Variants in DLG5 observed in about 807,000 individuals in gnomAD.
DLG5 encodes the protein discs large MAGUK scaffold protein 5, also known as disks large homolog 5.
A neutral mutation model predicts 189.8 loss-of-function variants in DLG5; 48 were observed. That is an observed-to-expected ratio of 0.25 (90% CI 0.20 to 0.32). DLG5 has a LOEUF of 0.32. DLG5 is among the 10% of genes least tolerant of loss of function. The probability of loss-of-function intolerance (pLI) is 1.00; values close to 1 mark genes in which losing one functional copy is unlikely to be tolerated. For synonymous variants in DLG5, 1,016 were observed against 1,054.1 expected (o/e 0.96, Z 0.70); for missense variants, 2,160 against 2,544.7 (o/e 0.85, Z 3.25).
At chr10:77,797,966 C>A (rs367863093) in intron 27 of DLG5, among the ~76,000 whole-genome samples, 1 of 152,124 alleles carries the variant, frequency 6.6e-6, no homozygotes, top group Non-Finnish European at 1.5e-5. Context: ...GCAGGTGGAT[C>A]GCTTGAGGTC....
At chr10:77,898,232 C>T (rs764872853) in intron 1 of DLG5, among the ~76,000 whole-genome samples, 29 of 152,238 alleles carry the variant, frequency 1.9e-4, no homozygotes, top group Non-Finnish European at 3.5e-4. Flanking sequence ...TCCCCAAAGA[C>T]CTGGATTCTG....
At position 77,796,100 on chromosome 10, in the gene DLG5, A is replaced by G. The variant is rs768536700; in HGVS notation, c.5397T>C (p.Asp1799=). The G allele has an allele frequency of 3.1e-6, 5 of 1,614,196 alleles. No homozygotes were observed. The Admixed American group carries it at 5.0e-5, about 16-fold the overall frequency. The change falls in exon 29 of 32, where the codon GAT becomes GAC. Residue 1799 remains aspartate, a synonymous_variant. Coordinates refer to ENST00000372391, the MANE Select transcript of DLG5 (RefSeq NM_004747.4). The surrounding 1 kb of genome is among the most constrained non-coding windows in gnomAD (Gnocchi z 5.2). ...CCTTTATTGACGCCACAGTGGTCACATCGAAATGGCCGCTTCTCCGCTTAT... is the reference window on the plus strand; with the variant it reads ...CCTTTATTGACGCCACAGTGGTCACGTCGAAATGGCCGCTTCTCCGCTTAT... ...VDYKRRSGHF[D]VTTVASIKEI...
Position 77,837,988 on chromosome 10 carries a change from T to C in DLG5, c.1438-2066A>G, listed in dbSNP as rs546970713. The stretch of plus-strand genomic sequence containing the variant: ...GGGAGGATGGGGCCCGAGTGTGGAG[T>C]GGTGCCCCTGAGCAGATGGCTCTCG... On this transcript the variant is annotated intron_variant, in intron 7 of 31. Transcript: ENST00000372391. Among the ~76,000 whole-genome samples the C allele has an allele frequency of 3.3e-5, 5 of 151,866 alleles. No homozygotes were observed. The South Asian group carries it at 1.0e-3, about 32-fold the overall frequency.
intron 20 of DLG5, among the ~76,000 whole-genome samples, chr10:77,814,984 A>T (rs1234510952): frequency 6.6e-6 from 1 of 152,118 alleles, no homozygotes; most frequent in Non-Finnish European, 1.5e-5. Flanking sequence ...ACACATGTCA[A>T]ATTTCATCTC....
intron 5 of DLG5, among the ~76,000 whole-genome samples, chr10:77,846,425 G>A (rs920689288): frequency 2.7e-5 from 4 of 150,684 alleles, no homozygotes; most frequent in Admixed American, 6.6e-5. Context: ...CAGGCCGGGC[G>A]CAGTGGCTCA....
intron 1 of DLG5, among the ~76,000 whole-genome samples, chr10:77,925,823 G>C (rs1471151208): frequency 6.6e-6 from 1 of 152,178 alleles, no homozygotes; most frequent in Non-Finnish European, 1.5e-5. Flanking sequence ...CCTGGCCCAA[G>C]TCCCATTCTT....
chr10:77,805,308 G>T (rs550626270), intron 27 of DLG5, among the ~76,000 whole-genome samples: 2 of 152,250 alleles, frequency 1.3e-5, no homozygotes, highest in Admixed American at 6.5e-5. Context: ...CATGCAAGTG[G>T]ACAATGAGAT....
At chr10:77,904,734 A>T (rs1169269848) in intron 1 of DLG5, among the ~76,000 whole-genome samples, 1 of 151,456 alleles carries the variant, frequency 6.6e-6, no homozygotes, top group Non-Finnish European at 1.5e-5. Flanking sequence ...GCCATGTGGA[A>T]CTGTAAGTCA....
intron 1 of DLG5, among the ~76,000 whole-genome samples, chr10:77,917,582 A>G (rs1015658592): frequency 9.9e-5 from 15 of 152,094 alleles, no homozygotes; most frequent in African/African-American, 3.4e-4. Context: ...AAGAAAGAAA[A>G]AAAGAGACAG....
chr10:77,824,592 AAGTCAGGAG>A, intron 13 of DLG5, 116 bp from the exon 14 acceptor site: 4 of 777,318 alleles, frequency 5.1e-6, no homozygotes, highest in Non-Finnish European at 8.4e-6. Context: ...CAAGGTGCCA[AAGTCAGGAG>A]TTGGCAAAGG....
chr10:77,808,731 C>A (rs1461894928), intron 24 of DLG5, among the ~76,000 whole-genome samples: 1 of 152,210 alleles, frequency 6.6e-6, no homozygotes, highest in Non-Finnish European at 1.5e-5. Context: ...CAGGTTCCCT[C>A]AATGGCCTGC....
At chr10:77,872,920 A>C (rs1238348992) in intron 1 of DLG5, among the ~76,000 whole-genome samples, 1 of 151,818 alleles carries the variant, frequency 6.6e-6, no homozygotes, top group Non-Finnish European at 1.5e-5. Flanking sequence ...GAAACCTAGG[A>C]TGGGCTGCTG....
chr10:77,818,587 C>T (rs1589149697), intron 17 of DLG5, among the ~76,000 whole-genome samples: 1 of 152,198 alleles, frequency 6.6e-6, no homozygotes, highest in Admixed American at 6.5e-5. Context: ...GATGGCCCTT[C>T]TCCCTGGAGG....
chr10:77,792,905 T>C (rs1003322754), intron 31 of DLG5: 4 of 279,510 alleles, frequency 1.4e-5, no homozygotes, highest in Non-Finnish European at 2.7e-5. Context: ...AGATAGCTCA[T>C]GGCCAAGAGG....
At chr10:77,881,263 C>T (rs12572800) in intron 1 of DLG5, among the ~76,000 whole-genome samples, 1 of 152,078 alleles carries the variant, frequency 6.6e-6, no homozygotes, top group South Asian at 2.1e-4. Flanking sequence ...CCTTCTCCCA[C>T]TGGATAGAAA....
At chr10:77,807,342 G>A (rs1224330772) in intron 25 of DLG5, among the ~76,000 whole-genome samples, 3 of 152,138 alleles carry the variant, frequency 2.0e-5, no homozygotes, top group Non-Finnish European at 4.4e-5. Context: ...TGCTTTCTGT[G>A]ATCTTGGATC....
intron 13 of DLG5, among the ~76,000 whole-genome samples, chr10:77,825,235 CA>C (rs1164281163): frequency 2.0e-5 from 3 of 152,068 alleles, no homozygotes; most frequent in Admixed American, 6.6e-5. Context: ...AATCAGCTGC[CA>C]GGGGGCAGGG....
chr10:77,939,696 C>T, the DLG5 span, among the ~76,000 whole-genome samples: 2 of 152,184 alleles, frequency 1.3e-5, no homozygotes, highest in African/African-American at 4.8e-5. Flanking sequence ...GCTGGAGAAA[C>T]AGCTGCCAGA....
At chr10:77,828,116 A>G (rs1443257002) in intron 13 of DLG5, among the ~76,000 whole-genome samples, 1 of 152,236 alleles carries the variant, frequency 6.6e-6, no homozygotes, top group Non-Finnish European at 1.5e-5. Context: ...TAAAAGTCAC[A>G]ACACAATGAT....
Sources: allele counts gnomAD v4.1 joint callset (sites outside exome capture counted in the v4.1 genomes callset), GRCh38; gene constraint gnomAD v4.1.1; non-coding constraint Gnocchi (gnomAD v3.1); transcripts MANE v1.5; gene names NCBI Gene and HGNC (gene_info 2026-07-23, HGNC 2026-07-21).